KSR1: variants seen among roughly 807,000 people sequenced by gnomAD.
The protein encoded by KSR1 is kinase suppressor of ras.
A neutral mutation model predicts 92.9 loss-of-function variants in KSR1; 35 were observed. The observed-to-expected ratio is 0.38, with a 90% CI of 0.29 to 0.50. The LOEUF (loss-of-function observed/expected upper bound fraction) is 0.50. Ranked by LOEUF, KSR1 falls within the 20% of genes least tolerant of loss-of-function variation. The pLI, the probability that KSR1 is intolerant of heterozygous loss-of-function variation, is 0.94. For synonymous variants in KSR1, 467 were observed against 472.6 expected (o/e 0.99, Z 0.15); for missense variants, 972 against 1,158.5 (o/e 0.84, Z 2.34).
intron 2 of KSR1, among the ~76,000 whole-genome samples, chr17:27,575,923 G>A (rs2072487398): frequency 6.6e-6 from 1 of 152,222 alleles, no homozygotes; most frequent in African/African-American, 2.4e-5. Context: ...CAAGGCTGAG[G>A]TCAAGGTGTA....
At chr17:27,526,508 C>G (rs191800697) in intron 1 of KSR1, 1 of 1,604,116 alleles carries the variant, frequency 6.2e-7, no homozygotes, top group African/African-American at 1.3e-5. Context: ...TCCTGTGTTC[C>G]TCCTCTGCCA....
intron 5 of KSR1, 49 bp from the exon 6 acceptor site, chr17:27,588,426 G>T: frequency 6.6e-7 from 1 of 1,523,330 alleles, no homozygotes; most frequent in Admixed American, 2.0e-5. Flanking sequence ...GGCACGAGCT[G>T]TCGCCTGCGG....
At chr17:27,462,943 T>G (rs991373779) in intron 1 of KSR1, among the ~76,000 whole-genome samples, 3 of 152,256 alleles carry the variant, frequency 2.0e-5, no homozygotes, top group Non-Finnish European at 4.4e-5. Context: ...GTGGCTGCAT[T>G]GTGTGGTCAT....
At position 27,555,716 on chromosome 17, in the gene KSR1, G is replaced by A. The variant is rs530154663; in HGVS notation, c.372+5008G>A. Among the ~76,000 whole-genome samples, 5 of 152,260 alleles carry A rather than the reference G, an allele frequency of 3.3e-5. No individual in the cohort carries two copies. The South Asian group carries it at 6.2e-4, about 19-fold the overall frequency. ...ATTTTTTAAAACTGTGGTGAAATAC[G>A]TATAACGTAATTTACCATTTTAATC... On this transcript the variant is annotated intron_variant, in intron 2 of 20. Coordinates refer to ENST00000644974, the MANE Select transcript of KSR1 (RefSeq NM_001394583.1).
chr17:27,507,318 AGCT>A (rs2069421888), intron 1 of KSR1, among the ~76,000 whole-genome samples: 1 of 152,040 alleles, frequency 6.6e-6, no homozygotes, highest in South Asian at 2.1e-4. Context: ...CTGTAATCCC[AGCT>A]ACTGGGGAGG....
chr17:27,485,451 C>T (rs530327239), intron 1 of KSR1, among the ~76,000 whole-genome samples: 9 of 152,272 alleles, frequency 5.9e-5, no homozygotes, highest in African/African-American at 2.2e-4. Context: ...GCCTGACTGG[C>T]CCTCTGCAGA....
chr17:27,594,776 C>T (rs1295359467), intron 9 of KSR1, among the ~76,000 whole-genome samples: 1 of 152,010 alleles, frequency 6.6e-6, no homozygotes, highest in Admixed American at 6.6e-5. Flanking sequence ...CCCTTCAGCA[C>T]AGATGCTCCC....
At chr17:27,509,581 G>A (rs2069523436) in intron 1 of KSR1, among the ~76,000 whole-genome samples, 1 of 152,180 alleles carries the variant, frequency 6.6e-6, no homozygotes, top group Admixed American at 6.5e-5. Flanking sequence ...GAGCCACCAC[G>A]CCTGGCGACT....
chr17:27,619,676 C>T (rs1052906387), intron 19 of KSR1, among the ~76,000 whole-genome samples: 7 of 151,962 alleles, frequency 4.6e-5, no homozygotes, highest in East Asian at 1.9e-4. Context: ...GGATTACAGT[C>T]GTGAGCCACT....
chr17:27,566,533 A>G (rs2072078427), intron 2 of KSR1: 2 of 399,046 alleles, frequency 5.0e-6, no homozygotes, highest in Non-Finnish European at 8.8e-6. Context: ...ATGCCAAGAG[A>G]AGCCCGAGGC....
intron 2 of KSR1, among the ~76,000 whole-genome samples, chr17:27,569,965 GC>G (rs2072241713): frequency 6.6e-6 from 1 of 152,236 alleles, no homozygotes; most frequent in Non-Finnish European, 1.5e-5. Flanking sequence ...GAAAGTGGTG[GC>G]TGTGGTGACA....
Position 27,456,597 on chromosome 17 carries a change from G to A in KSR1, c.-47G>A. On this transcript the variant is annotated 5_prime_UTR_variant, in exon 1 of 21. Coordinates refer to ENST00000644974, the MANE Select transcript of KSR1 (RefSeq NM_001394583.1). ...TCGGGGGTTCCTTGCCGAGGCGCCC[G>A]CGCCCCGGGCTCCCAGCCTCGGCCG... The A allele has an allele frequency of 2.2e-6, 1 of 462,424 alleles. No individual in the cohort carries two copies. Among genetic ancestry groups the A allele is most frequent in the Non-Finnish European group, 3.7e-6 (1 of 268,300 alleles). The allele number at this position is 462,424 out of a possible 1,614,324, so 28.6% of individuals were successfully genotyped here.
At chr17:27,612,921 A>G (rs2073959151) in intron 18 of KSR1, 1 of 152,224 alleles carries the variant, frequency 6.6e-6, no homozygotes. Context: ...TTCTTAATAG[A>G]TGGTAATATT....
At chr17:27,570,226 C>T (rs1417767258) in intron 2 of KSR1, among the ~76,000 whole-genome samples, 2 of 152,088 alleles carry the variant, frequency 1.3e-5, no homozygotes, top group African/African-American at 4.8e-5. Flanking sequence ...ATAAACGCTG[C>T]CCTGGGAAAA....
intron 16 of KSR1, among the ~76,000 whole-genome samples, chr17:27,609,608 G>T (rs371346630): frequency 6.4e-4 from 98 of 152,338 alleles, no homozygotes; most frequent in African/African-American, 2.2e-3. Flanking sequence ...CCCACGATGA[G>T]GAAGAGTGTC....
At chr17:27,619,395 CT>C (rs147046166) in intron 19 of KSR1, among the ~76,000 whole-genome samples, 1,506 of 131,790 alleles carry the variant, frequency 0.011, 7 homozygotes, top group African/African-American at 0.015. Context: ...TGGGCTGTAT[CT>C]TTTTTTTTTT....
At chr17:27,589,692 C>T (rs753596068) in intron 6 of KSR1, among the ~76,000 whole-genome samples, 2 of 152,214 alleles carry the variant, frequency 1.3e-5, no homozygotes, top group Admixed American at 6.5e-5. Flanking sequence ...CCTCCCCACC[C>T]TGTGGACCAG....
intron 1 of KSR1, chr17:27,526,574 G>C: frequency 1.3e-6 from 2 of 1,595,640 alleles, no homozygotes; most frequent in East Asian, 2.2e-5. Flanking sequence ...TCATTCATTT[G>C]TATCAGTTGC....
At chr17:27,580,811 G>A (rs1475758795) in intron 3 of KSR1, among the ~76,000 whole-genome samples, 1 of 152,132 alleles carries the variant, frequency 6.6e-6, no homozygotes, top group Non-Finnish European at 1.5e-5. Context: ...TTATGAGACG[G>A]CCTGGAGTGC....
Sources: allele counts gnomAD v4.1 joint callset (sites outside exome capture counted in the v4.1 genomes callset), GRCh38; gene constraint gnomAD v4.1.1; transcripts MANE v1.5; gene names NCBI Gene and HGNC (gene_info 2026-07-23, HGNC 2026-07-21).